GDAP2: variants seen among roughly 807,000 people sequenced by gnomAD.
The protein encoded by GDAP2 is ganglioside induced differentiation associated protein 2.
GDAP2 carries 51 observed loss-of-function variants against 67.0 expected under a neutral mutation model. That is an observed-to-expected ratio of 0.76 (90% confidence interval 0.61 to 0.96). The LOEUF is 0.96. Ranked by LOEUF, GDAP2 falls within the 40% of genes least tolerant of loss-of-function variation. The pLI is 0.00. For synonymous variants in GDAP2, 203 were observed against 207.3 expected (o/e 0.98, Z 0.18); for missense variants, 547 against 588.3 (o/e 0.93, Z 0.73).
At chr1:117,921,915 CA>C (rs1650266196) in intron 1 of GDAP2, among the ~76,000 whole-genome samples, 1 of 152,020 alleles carries the variant, frequency 6.6e-6, no homozygotes, top group African/African-American at 2.4e-5. Context: ...AGAATATAGA[CA>C]GTAGGGAGAA....
At position 117,919,160 on chromosome 1, in the gene GDAP2, G is replaced by A. The variant is rs535332136; in HGVS notation, c.177-424C>T. On this transcript the variant is annotated intron_variant, in intron 2 of 13. Coordinates refer to ENST00000369443, the MANE Select transcript of GDAP2 (RefSeq NM_017686.4). ...GAGGCCGAGGCAGATGGATCATGAG[G>A]TCAGGAAATCAAGACCATCCTGGCT... Among the ~76,000 whole-genome samples the A allele has an allele frequency of 7.9e-5, 12 of 152,244 alleles. No homozygotes were observed. The South Asian group carries it at 2.5e-3, about 32-fold the overall frequency.
At chr1:117,918,488 A>G (rs1650125341) in intron 3 of GDAP2, 109 bp downstream of exon 3, 2 of 747,146 alleles carry the variant, frequency 2.7e-6, no homozygotes, top group African/African-American at 3.6e-5. Context: ...TTAACAAAAG[A>G]AAAACAGCTA....
chr1:117,911,642 C>T (rs77518116), intron 5 of GDAP2, among the ~76,000 whole-genome samples: 2,071 of 152,014 alleles, frequency 0.014, 38 homozygotes, highest in South Asian at 0.092. Context: ...GATAAAAATG[C>T]CAACCTGAAA....
Position 117,883,251 on chromosome 1 carries a change from T to C in GDAP2, c.1247+237A>G, listed in dbSNP as rs1648727293. On this transcript the variant is annotated intron_variant, in intron 11 of 13. Coordinates refer to ENST00000369443, the MANE Select transcript of GDAP2 (RefSeq NM_017686.4). ...ATCATATAAATAGAAGGTAGTATTT[T>C]TGTTATTTTATCCACAAAGATTGGT... 1.3e-5 allele frequency: 5 copies of C among 398,102 alleles called. No individual in the cohort carries two copies. In the Admixed American group the frequency reaches 2.0e-4, roughly 16 times the overall value. The allele number at this position is 398,102 out of a possible 1,614,324, so 24.7% of individuals were successfully genotyped here. A position where few individuals can be genotyped will look rare whatever the true frequency, so the allele number is the denominator to read the frequency against.
chr1:117,902,399 A>T (rs1174237335), intron 6 of GDAP2, among the ~76,000 whole-genome samples: 1 of 152,232 alleles, frequency 6.6e-6, no homozygotes, highest in Non-Finnish European at 1.5e-5. Flanking sequence ...AAGAGGATTT[A>T]TACCCACACT....
intron 8 of GDAP2, among the ~76,000 whole-genome samples, chr1:117,895,283 G>A (rs779983681): frequency 3.9e-5 from 6 of 151,960 alleles, no homozygotes; most frequent in Non-Finnish European, 7.4e-5. Context: ...TCTCAGTGAG[G>A]TCAGGTTTTC....
chr1:117,869,210 C>T lies in GDAP2; in HGVS notation c.*1359G>A, dbSNP rs1189500382. Reference sequence around the variant, plus strand: ...GTGGCTGTAGGAATCAAAAAAAGTACAAAGCTACCCAGATGGGAATAATAA... The same window carrying T: ...GTGGCTGTAGGAATCAAAAAAAGTATAAAGCTACCCAGATGGGAATAATAA... On this transcript the variant is annotated 3_prime_UTR_variant, in exon 14 of 14. Coordinates refer to ENST00000369443, the MANE Select transcript of GDAP2 (RefSeq NM_017686.4). 1 of 151,680 alleles carries T rather than the reference C, an allele frequency of 6.6e-6. No homozygotes were observed. Among genetic ancestry groups the T allele is most frequent in the African/African-American group, 2.4e-5 (1 of 41,218 alleles). The allele number at this position is 151,680 out of a possible 1,614,324, so 9.4% of individuals were successfully genotyped here.
At chr1:117,897,962 T>C (rs1329927084) in intron 7 of GDAP2, among the ~76,000 whole-genome samples, 2 of 152,212 alleles carry the variant, frequency 1.3e-5, no homozygotes, top group African/African-American at 4.8e-5. Flanking sequence ...ATAAAAGTAT[T>C]TTCTGAGATA....
At position 117,920,436 on chromosome 1, in the gene GDAP2, A is replaced by C; in HGVS notation, c.-67-12T>G. 1.1e-6 allele frequency: 1 copy of C among 884,486 alleles called. No individual in the cohort carries two copies. The highest frequency in any genetic ancestry group is 1.8e-6 in the Non-Finnish European group (1 of 566,232). 54.8% of individuals were successfully genotyped at this position (884,486 alleles called of 1,614,324 possible). Reference sequence around the variant, plus strand: ...ACTGGAGACTTTAGCTTTAAGAGAAAAGAAAGAATCACTTTAATAGAGAAG... The same window carrying C: ...ACTGGAGACTTTAGCTTTAAGAGAACAGAAAGAATCACTTTAATAGAGAAG... On this transcript the variant is annotated splice_polypyrimidine_tract_variant and intron_variant, in intron 1 of 13. Transcript: ENST00000369443.
intron 6 of GDAP2, among the ~76,000 whole-genome samples, chr1:117,903,929 GACA>G (rs1649569904): frequency 6.6e-6 from 1 of 151,804 alleles, no homozygotes; most frequent in Admixed American, 6.6e-5. Flanking sequence ...TGAGTCTTCA[GACA>G]ACAATATTCT....
Position 117,864,729 on chromosome 1 carries a change from A to G in GDAP2, c.*5840T>C, listed in dbSNP as rs531541679. 12 of 152,296 alleles carry G rather than the reference A, an allele frequency of 7.9e-5. No individual in the cohort carries two copies. In the South Asian group the frequency reaches 2.5e-3, roughly 32 times the overall value. 9.4% of individuals were successfully genotyped at this position (152,296 alleles called of 1,614,324 possible). A position where few individuals can be genotyped will look rare whatever the true frequency, so the allele number is the denominator to read the frequency against. On this transcript the variant is annotated 3_prime_UTR_variant, in exon 14 of 14. Coordinates refer to ENST00000369443, the MANE Select transcript of GDAP2 (RefSeq NM_017686.4). Reference sequence around the variant, plus strand: ...AAATTAAGCAAAAACTGAGGAGCTAAGAGATTTTTTTCCTTATTAAAAAGT... The same window carrying G: ...AAATTAAGCAAAAACTGAGGAGCTAGGAGATTTTTTTCCTTATTAAAAAGT...
intron 1 of GDAP2, among the ~76,000 whole-genome samples, chr1:117,922,953 A>G (rs983492319): frequency 6.6e-6 from 1 of 152,198 alleles, no homozygotes; most frequent in Non-Finnish European, 1.5e-5. Flanking sequence ...CACGGTGGAC[A>G]TTTCAGAGGC....
intron 12 of GDAP2, among the ~76,000 whole-genome samples, chr1:117,879,615 T>C (rs868496399): frequency 6.0e-4 from 92 of 152,292 alleles, no homozygotes; most frequent in African/African-American, 2.1e-3. Flanking sequence ...AGATAGGTAC[T>C]ATTATTTCCA....
intron 12 of GDAP2, among the ~76,000 whole-genome samples, chr1:117,879,400 G>A (rs143686316): frequency 1.0e-3 from 156 of 151,840 alleles, no homozygotes; most frequent in African/African-American, 3.7e-3. Context: ...TGAACTTCAG[G>A]GTCCTATAAG....
chr1:117,873,023 C>A (rs971775197), intron 13 of GDAP2, among the ~76,000 whole-genome samples: 7 of 152,042 alleles, frequency 4.6e-5, no homozygotes, highest in African/African-American at 7.2e-5. Flanking sequence ...TATTCTATTA[C>A]CAATTTTTTC....
At chr1:117,878,268 G>C (rs1284440319) in intron 12 of GDAP2, 116 bp from the exon 13 acceptor site, 1 of 540,312 alleles carries the variant, frequency 1.9e-6, no homozygotes, top group Non-Finnish European at 3.2e-6. Context: ...AAAATAACTA[G>C]TGTTTTCAAA....
intron 8 of GDAP2, among the ~76,000 whole-genome samples, chr1:117,894,954 A>G (rs1649217458): frequency 6.6e-6 from 1 of 152,208 alleles, no homozygotes; most frequent in Non-Finnish European, 1.5e-5. Flanking sequence ...ACTAACAAAT[A>G]TAATTTTTTG....
At chr1:117,887,623 A>C (rs775183882) in intron 9 of GDAP2, 75 bp downstream of exon 9, 6 of 816,138 alleles carry the variant, frequency 7.4e-6, no homozygotes, top group Admixed American at 1.7e-5. Flanking sequence ...ATCAGAGAAA[A>C]ATGAATTCTC....
At chr1:117,882,820 C>T (rs1648700925) in intron 11 of GDAP2, 1 of 152,008 alleles carries the variant, frequency 6.6e-6, no homozygotes, top group Non-Finnish European at 1.5e-5. Flanking sequence ...GTAAAATGGG[C>T]TTTTCAATGC....
Sources: allele counts gnomAD v4.1 joint callset (sites outside exome capture counted in the v4.1 genomes callset), GRCh38; gene constraint gnomAD v4.1.1; transcripts MANE v1.5; gene names NCBI Gene and HGNC (gene_info 2026-07-23, HGNC 2026-07-21).